Variants in P2RY2 observed in about 807,000 individuals in gnomAD.
P2RY2 encodes purinergic receptor P2Y2, also known as P2Y purinoceptor 2.
For missense variants in P2RY2, 567 were observed against 515.7 expected (o/e 1.10, Z -0.96); for synonymous variants, 241 against 231.9 (o/e 1.04, Z -0.35).
At chr11:73,226,414 A>T (rs1248049740) in intron 1 of P2RY2, among the ~76,000 whole-genome samples, 2 of 151,964 alleles carry the variant, frequency 1.3e-5, no homozygotes, top group East Asian at 3.9e-4. Flanking sequence ...ATCAGTGGGG[A>T]GCTACCAGCC....
intron 2 of P2RY2, among the ~76,000 whole-genome samples, chr11:73,232,813 A>C (rs942337266): frequency 6.6e-6 from 1 of 152,158 alleles, no homozygotes; most frequent in Admixed American, 6.5e-5. Context: ...TGTTTTTCTC[A>C]AACTTGCCCA....
chr11:73,235,036 C>T lies in P2RY2; in HGVS notation c.877C>T (p.Pro293Ser). 1 of 1,608,278 alleles carries T rather than the reference C, an allele frequency of 6.2e-7. No individual in the cohort carries two copies. The highest frequency in any genetic ancestry group is 8.5e-7 in the Non-Finnish European group (1 of 1,179,966). ...AINMAYKVTRPLASANSCLDP... is the reference protein window; with the variant it reads ...AINMAYKVTRSLASANSCLDP... ...CAACATGGCCTACAAGGTTACCCGG[C>T]CGCTGGCCAGTGCTAACAGTTGCCT... Residue 293 changes from proline (P) to serine (S), a missense_variant, in exon 3 of 3, where the codon CCG becomes TCG. Transcript: ENST00000393597.
Position 73,235,449 on chromosome 11 carries a change from CTG to C in P2RY2, c.*159_*160del, listed in dbSNP as rs1253118219. 7.1e-7 allele frequency: 1 copy of C among 1,406,064 alleles called. No individual in the cohort carries two copies. Among genetic ancestry groups the C allele is most frequent in the African/African-American group, 1.5e-5 (1 of 68,956 alleles). The allele number at this position is 1,406,064 out of a possible 1,614,324, so 87.1% of individuals were successfully genotyped here. Reference sequence around the variant, plus strand: ...TTGACAGGGGCTCAGGATATTCACTCTGTGGTCCAGAGTCAACTGTTCCCATA... The same window carrying C: ...TTGACAGGGGCTCAGGATATTCACTCTGGTCCAGAGTCAACTGTTCCCATA... On this transcript the variant is annotated 3_prime_UTR_variant, in exon 3 of 3. Coordinates refer to ENST00000393597, the MANE Select transcript of P2RY2 (RefSeq NM_002564.4).
chr11:73,228,260 A>G (rs1862346095), intron 2 of P2RY2, 85 bp downstream of exon 2: 1 of 151,620 alleles, frequency 6.6e-6, no homozygotes, highest in African/African-American at 2.4e-5. Flanking sequence ...TCTGCCCTGA[A>G]CTGGCTTAGA....
chr11:73,226,520 A>C, intron 1 of P2RY2, among the ~76,000 whole-genome samples: 1 of 151,760 alleles, frequency 6.6e-6, no homozygotes, highest in Non-Finnish European at 1.5e-5. Context: ...CCCCGTACCC[A>C]AGCTATTCCT....
intron 2 of P2RY2, among the ~76,000 whole-genome samples, chr11:73,228,433 A>G (rs966708304): frequency 6.6e-6 from 1 of 152,160 alleles, no homozygotes; most frequent in Admixed American, 6.5e-5. Flanking sequence ...AATATCTACC[A>G]AGGGATGGAG....
At chr11:73,233,429 G>A (rs1018053064) in intron 2 of P2RY2, among the ~76,000 whole-genome samples, 2 of 152,260 alleles carry the variant, frequency 1.3e-5, no homozygotes, top group Non-Finnish European at 2.9e-5. Flanking sequence ...GCTGTTGGAT[G>A]CCCACTGGCC....
chr11:73,234,925 C>A lies in P2RY2; in HGVS notation c.766C>A (p.Leu256Ile), dbSNP rs778394056. 11 of 1,610,888 alleles carry A rather than the reference C, an allele frequency of 6.8e-6. No homozygotes were observed. The Admixed American group carries it at 1.8e-4, about 27-fold the overall frequency. The part of the protein sequence containing the change: ...TIAVVLAVFA[L>I]CFLPFHVTRT... ...CGCCGTGGTGCTGGCTGTCTTCGCC[C>A]TCTGCTTCCTGCCATTCCACGTCAC... Residue 256 changes from leucine (L) to isoleucine (I), a missense_variant, in exon 3 of 3, where the codon CTC (leucine) becomes ATC (isoleucine). Physicochemically the swap from Leu to Ile is conservative, Grantham distance 5. Coordinates refer to ENST00000393597, the MANE Select transcript of P2RY2 (RefSeq NM_002564.4).
chr11:73,238,821 T>A lies in P2RY2; in HGVS notation c.*3528T>A, dbSNP rs1346406469. ...TAGTGCCCCACGACACTCACAGCCC[T>A]GCAGGGCAGAAGGGTCTATAAGTGG... On this transcript the variant is annotated 3_prime_UTR_variant, in exon 3 of 3. Coordinates refer to ENST00000393597, the MANE Select transcript of P2RY2 (RefSeq NM_002564.4). Among the ~76,000 whole-genome samples the A allele has an allele frequency of 6.6e-6, 1 of 152,188 alleles. No homozygotes were observed. Among genetic ancestry groups the A allele is most frequent in the Non-Finnish European group, 1.5e-5 (1 of 68,022 alleles).
chr11:73,235,710 G>A lies in P2RY2; in HGVS notation c.*417G>A, dbSNP rs1862632987. On this transcript the variant is annotated 3_prime_UTR_variant, in exon 3 of 3. Transcript: ENST00000393597. ...CTGGAGCTGAGCTACCTGGGGTGGG[G>A]GCCAAGTCACAGGTTGGCCAGAAAA... 2 of 1,008,164 alleles carry A rather than the reference G, an allele frequency of 2.0e-6. No homozygotes were observed. Among genetic ancestry groups the A allele is most frequent in the South Asian group, 4.6e-5 (1 of 21,526 alleles). 62.5% of individuals were successfully genotyped at this position (1,008,164 alleles called of 1,614,324 possible). A position where few individuals can be genotyped will look rare whatever the true frequency, so the allele number is the denominator to read the frequency against.
intron 1 of P2RY2, 135 bp from the exon 2 acceptor site, chr11:73,227,846 A>G (rs1862323117): frequency 6.6e-6 from 1 of 152,254 alleles, no homozygotes; most frequent in South Asian, 2.1e-4. Context: ...CACTCAGACC[A>G]GGACAAACAC....
Position 73,235,406 on chromosome 11 carries a change from G to A in P2RY2, c.*113G>A. On this transcript the variant is annotated 3_prime_UTR_variant, in exon 3 of 3. Transcript: ENST00000393597. The stretch of plus-strand genomic sequence containing the variant: ...GGACCATCAGTGACTCATGCTGGAT[G>A]ACCCCATGCTCCGTCATTTGACAGG... 6.8e-7 allele frequency: 1 copy of A among 1,476,616 alleles called. No homozygotes were observed. The highest frequency in any genetic ancestry group is 9.0e-7 in the Non-Finnish European group (1 of 1,113,904). The allele number at this position is 1,476,616 out of a possible 1,614,324, so 91.5% of individuals were successfully genotyped here. A position where few individuals can be genotyped will look rare whatever the true frequency, so the allele number is the denominator to read the frequency against.
In P2RY2 at chr11:73,237,976, C is replaced by T. The variant is rs1862693945; in HGVS notation, c.*2683C>T. Among the ~76,000 whole-genome samples, 1 of 152,230 alleles carries T rather than the reference C, an allele frequency of 6.6e-6. No individual in the cohort carries two copies. The highest frequency in any genetic ancestry group is 1.5e-5 in the Non-Finnish European group (1 of 68,044). On this transcript the variant is annotated 3_prime_UTR_variant, in exon 3 of 3. Transcript: ENST00000393597. Reference sequence around the variant, plus strand: ...ACACCTCCCTAACCTGACATCACTTCCTGGGCTGTTGACTCATGAAGGCCA... The same window carrying T: ...ACACCTCCCTAACCTGACATCACTTTCTGGGCTGTTGACTCATGAAGGCCA...
intron 1 of P2RY2, among the ~76,000 whole-genome samples, chr11:73,222,344 C>T (rs1862143185): frequency 1.3e-5 from 2 of 152,044 alleles, no homozygotes; most frequent in Admixed American, 1.3e-4. Context: ...GGGACCTGCT[C>T]CTCTCATGGC....
At chr11:73,230,708 A>G (rs924701096) in intron 2 of P2RY2, among the ~76,000 whole-genome samples, 50 of 152,130 alleles carry the variant, frequency 3.3e-4, no homozygotes, top group Admixed American at 2.2e-3. Flanking sequence ...AGCAGCAGCA[A>G]CTAAGGCTGG....
chr11:73,230,775 T>A (rs919723535), intron 2 of P2RY2, among the ~76,000 whole-genome samples: 1 of 151,440 alleles, frequency 6.6e-6, no homozygotes, highest in Non-Finnish European at 1.5e-5. Flanking sequence ...TTGGGGCGGG[T>A]GAGGTTGGCA....
In P2RY2 at chr11:73,235,241, G is replaced by A. The variant is rs746589198; in HGVS notation, c.1082G>A (p.Arg361Gln). ...DVLGSSEDSR[R>Q]TESTPAGSEN... is the part of the protein sequence containing the mutation. ...TTGGGCAGCAGTGAGGACTCTAGGC[G>A]GACAGAGTCCACGCCGGCTGGTAGC... Residue 361 changes from arginine to glutamine, a missense_variant, in exon 3 of 3, where the codon CGG becomes CAG. By Grantham distance (43) the Arg-to-Gln change is conservative (BLOSUM62 1). Coordinates refer to ENST00000393597, the MANE Select transcript of P2RY2 (RefSeq NM_002564.4). 1.9e-5 allele frequency: 31 copies of A among 1,600,580 alleles called. No homozygotes were observed. The highest frequency in any genetic ancestry group is 2.5e-5 in the Non-Finnish European group (29 of 1,173,326).
rs1309104158 is a variant in P2RY2, at chr11:73,235,207, G to A, written c.1048G>A (p.Glu350Lys). Reference protein sequence around the residue: ...RSDRTDMQRIEDVLGSSEDSR... With the variant: ...RSDRTDMQRIKDVLGSSEDSR... ...CGACAGAACTGACATGCAGAGGATA[G>A]AAGATGTGTTGGGCAGCAGTGAGGA... Residue 350 changes from glutamate to lysine, a missense_variant, in exon 3 of 3, where the codon GAA becomes AAA. By Grantham distance (56) the Glu-to-Lys change is moderately conservative. Coordinates refer to ENST00000393597, the MANE Select transcript of P2RY2 (RefSeq NM_002564.4). The A allele has an allele frequency of 5.0e-6, 8 of 1,611,810 alleles. No individual in the cohort carries two copies. The highest frequency in any genetic ancestry group is 6.8e-6 in the Non-Finnish European group (8 of 1,179,234).
rs1273313468 is a variant in P2RY2 at position 73,238,226 on chromosome 11, G to A, written c.*2933G>A. Among the ~76,000 whole-genome samples, 2 of 152,214 alleles carry A rather than the reference G, an allele frequency of 1.3e-5. No individual in the cohort carries two copies. Among genetic ancestry groups the A allele is most frequent in the South Asian group, 4.1e-4 (2 of 4,834 alleles). On this transcript the variant is annotated 3_prime_UTR_variant, in exon 3 of 3. Transcript: ENST00000393597. ...ACTGGGATGGAGCCATAGACCTGAG[G>A]CCAGGGACAGGACAGGGATGGGAGG... is the stretch of plus-strand genomic sequence containing the variant.
Sources: gnomAD v4.1 joint callset for allele counts (sites outside exome capture counted in the v4.1 genomes callset) on GRCh38, gnomAD v4.1.1 for gene constraint, MANE v1.5 for transcripts, NCBI Gene and HGNC (gene_info 2026-07-23, HGNC 2026-07-21) for gene names.